The following SGCZ variants were observed in gnomAD, a reference collection of about 807,000 sequenced individuals.
The protein encoded by SGCZ is zeta-sarcoglycan.
In SGCZ, 40 loss-of-function variants were observed where a neutral mutation model predicts 41.3. The ratio of observed to expected loss-of-function variants is 0.97; its 90% CI spans 0.75 to 1.26. The LOEUF (loss-of-function observed/expected upper bound fraction) is 1.26. Among genes scored for constraint, SGCZ ranks in the 50% most tolerant of loss-of-function variants. SGCZ has a pLI of 0.00. For missense variants in SGCZ, 552 were observed against 369.8 expected (o/e 1.49, Z -4.04); for synonymous variants, 206 against 137.5 (o/e 1.50, Z -3.49).
intron 2 of SGCZ, among the ~76,000 whole-genome samples, chr8:14,495,696 A>G (rs1801967594): frequency 6.6e-6 from 1 of 152,194 alleles, no homozygotes; most frequent in South Asian, 2.1e-4. Context: ...TACAATGCTA[A>G]TGTCAGAGGT....
intron 2 of SGCZ, among the ~76,000 whole-genome samples, chr8:14,365,500 C>A (rs1229831793): frequency 6.6e-6 from 1 of 152,032 alleles, no homozygotes; most frequent in Admixed American, 6.6e-5. Context: ...TTCCATGATG[C>A]AAACTTTTAG....
At chr8:14,406,213 A>G (rs1799208060) in intron 2 of SGCZ, among the ~76,000 whole-genome samples, 1 of 152,102 alleles carries the variant, frequency 6.6e-6, no homozygotes, top group Non-Finnish European at 1.5e-5. Flanking sequence ...ATGTCTTTGC[A>G]AGACTGGTTC....
At chr8:15,157,790 G>A (rs568050911) in intron 1 of SGCZ, among the ~76,000 whole-genome samples, 15 of 152,218 alleles carry the variant, frequency 9.9e-5, no homozygotes, top group Middle Eastern at 3.4e-3. Flanking sequence ...TCCACTAGCT[G>A]AACTATGCTA....
chr8:14,337,827 C>T (rs1205492871), intron 2 of SGCZ, among the ~76,000 whole-genome samples: 1 of 152,080 alleles, frequency 6.6e-6, no homozygotes, highest in Non-Finnish European at 1.5e-5. Context: ...GGTTATAAAA[C>T]AGGGCCCACT....
chr8:14,811,768 G>A (rs190576495), intron 1 of SGCZ, among the ~76,000 whole-genome samples: 3 of 151,758 alleles, frequency 2.0e-5, no homozygotes, highest in Non-Finnish European at 2.9e-5. Flanking sequence ...GACACATGAA[G>A]ATATTCACTC....
chr8:15,036,995 A>C (rs1370031105), intron 1 of SGCZ, among the ~76,000 whole-genome samples: 1 of 152,306 alleles, frequency 6.6e-6, no homozygotes, highest in South Asian at 2.1e-4. Context: ...GAGAAACTAT[A>C]AGATAATCTC....
chr8:14,555,014 A>G, intron 1 of SGCZ, 88 bp from the exon 2 acceptor site: 5 of 1,202,212 alleles, frequency 4.2e-6, no homozygotes, highest in African/African-American at 1.5e-5. Context: ...GAAACAAAAG[A>G]ACAATGTACG....
intron 1 of SGCZ, among the ~76,000 whole-genome samples, chr8:14,777,498 G>C (rs1214603279): frequency 6.6e-6 from 1 of 152,108 alleles, no homozygotes; most frequent in Non-Finnish European, 1.5e-5. Flanking sequence ...AATCCAGTTT[G>C]CCTTTTCTAG....
intron 1 of SGCZ, among the ~76,000 whole-genome samples, chr8:15,160,052 A>G (rs1799464183): frequency 6.6e-6 from 1 of 151,898 alleles, no homozygotes; most frequent in Non-Finnish European, 1.5e-5. Flanking sequence ...AAGCTTTACC[A>G]TATTGGCCCA....
intron 1 of SGCZ, among the ~76,000 whole-genome samples, chr8:14,783,773 T>C (rs1470413062): frequency 6.6e-6 from 1 of 152,158 alleles, no homozygotes; most frequent in African/African-American, 2.4e-5. Context: ...TAACTGGCAA[T>C]CTGAAAGTTT....
intron 1 of SGCZ, among the ~76,000 whole-genome samples, chr8:14,720,615 G>A (rs1809851563): frequency 1.3e-5 from 2 of 151,914 alleles, no homozygotes; most frequent in South Asian, 4.2e-4. Flanking sequence ...AGTAAAATCT[G>A]GCCCTCTGCC....
chr8:14,305,371 C>T (rs1018255693), intron 3 of SGCZ, among the ~76,000 whole-genome samples: 19 of 152,120 alleles, frequency 1.2e-4, no homozygotes, highest in South Asian at 4.2e-4. Context: ...TTTAAAACTA[C>T]GGGAAGGCAT....
intron 1 of SGCZ, among the ~76,000 whole-genome samples, chr8:14,778,686 G>C (rs1046696435): frequency 3.3e-5 from 5 of 152,162 alleles, no homozygotes; most frequent in Non-Finnish European, 5.9e-5. Flanking sequence ...ATATTTCAAT[G>C]ACGAGGAAAC....
chr8:14,542,835 C>A (rs1011318203), intron 2 of SGCZ, among the ~76,000 whole-genome samples: 1 of 151,934 alleles, frequency 6.6e-6, no homozygotes. Flanking sequence ...ATTTTTAGAT[C>A]TCTCTGCTAA....
At chr8:14,222,760 ATAAC>A (rs1458215490) in intron 4 of SGCZ, among the ~76,000 whole-genome samples, 6 of 147,014 alleles carry the variant, frequency 4.1e-5, no homozygotes, top group African/African-American at 1.3e-4. Flanking sequence ...AACTTATTTA[ATAAC>A]TAATTCCACC....
chr8:14,215,933 C>G (rs62492330), intron 4 of SGCZ, among the ~76,000 whole-genome samples: 2 of 152,130 alleles, frequency 1.3e-5, no homozygotes, highest in Non-Finnish European at 2.9e-5. Context: ...GACACAGGTA[C>G]CCAGTGAAAG....
At chr8:14,864,098 C>T (rs1803844980) in intron 1 of SGCZ, among the ~76,000 whole-genome samples, 1 of 152,124 alleles carries the variant, frequency 6.6e-6, no homozygotes, top group Non-Finnish European at 1.5e-5. Flanking sequence ...CCTATTTCAA[C>T]ATATTCTTGA....
At chr8:15,206,902 G>T (rs985529403) in intron 1 of SGCZ, among the ~76,000 whole-genome samples, 7 of 152,146 alleles carry the variant, frequency 4.6e-5, no homozygotes, top group African/African-American at 1.7e-4. Flanking sequence ...TGAAAGGTAG[G>T]ATGGAGGATA....
chr8:14,526,520 A>T (rs992905441), intron 2 of SGCZ, among the ~76,000 whole-genome samples: 5 of 152,186 alleles, frequency 3.3e-5, no homozygotes, highest in Non-Finnish European at 5.9e-5. Flanking sequence ...TCAAAGTTAA[A>T]GCACACATTG....
Sources: gnomAD v4.1 joint callset for allele counts (sites outside exome capture counted in the v4.1 genomes callset) on GRCh38, gnomAD v4.1.1 for gene constraint, MANE v1.5 for transcripts, NCBI Gene and HGNC (gene_info 2026-07-23, HGNC 2026-07-21) for gene names.